The following CFAP95 variants were observed in gnomAD, a reference collection of about 807,000 sequenced individuals.
CFAP95 encodes the protein cilia and flagella associated protein 95, also known as cilia- and flagella-associated protein 95.
chr9:69,856,725 C>A, the CFAP95 span: 1 of 1,311,260 alleles, frequency 7.6e-7, no homozygotes, highest in Non-Finnish European at 1.1e-6. Context: ...GCAGAAAGGA[C>A]TTGTATAAGT....
chr9:69,821,402 C>T, the CFAP95 span, among the ~76,000 whole-genome samples: 1 of 151,964 alleles, frequency 6.6e-6, no homozygotes, highest in Non-Finnish European at 1.5e-5. Flanking sequence ...CAGCCAAATC[C>T]CCGCCACCTG....
At chr9:69,857,649 C>T in the CFAP95 span, among the ~76,000 whole-genome samples, 4 of 152,070 alleles carry the variant, frequency 2.6e-5, no homozygotes, top group African/African-American at 4.8e-5. Flanking sequence ...CTCAGCCTCC[C>T]GAGTAGCTAG....
the CFAP95 span, among the ~76,000 whole-genome samples, chr9:69,901,554 G>A: frequency 6.6e-6 from 1 of 150,550 alleles, no homozygotes; most frequent in Admixed American, 6.6e-5. Context: ...GTTCCACGGT[G>A]TATATGCGCC....
chr9:69,900,985 A>T, the CFAP95 span, among the ~76,000 whole-genome samples: 1 of 152,078 alleles, frequency 6.6e-6, no homozygotes, highest in Non-Finnish European at 1.5e-5. Context: ...CATTTACATT[A>T]GGTATATCTC....
chr9:69,836,303 G>A, the CFAP95 span, among the ~76,000 whole-genome samples: 1 of 152,000 alleles, frequency 6.6e-6, no homozygotes, highest in Non-Finnish European at 1.5e-5. Flanking sequence ...TCTCAACCTT[G>A]GTACTATGGA....
At chr9:69,895,369 C>CTCTCTCTCTCTCTGTG in the CFAP95 span, among the ~76,000 whole-genome samples, 6 of 107,846 alleles carry the variant, frequency 5.6e-5, no homozygotes, top group African/African-American at 2.3e-4. Flanking sequence ...CTCTCTCTCT[C>CTCTCTCTCTCTCTGTG]TGTGTGTGTG....
chr9:69,881,066 C>T, the CFAP95 span, among the ~76,000 whole-genome samples: 2 of 151,490 alleles, frequency 1.3e-5, no homozygotes, highest in Non-Finnish European at 2.9e-5. Context: ...GGTAACTAAT[C>T]CCTTGTCAGA....
chr9:69,875,125 T>C, the CFAP95 span, among the ~76,000 whole-genome samples: 1 of 152,340 alleles, frequency 6.6e-6, no homozygotes, highest in Non-Finnish European at 1.5e-5. Context: ...CATATTTTTA[T>C]TCTCAAAAGA....
chr9:69,831,663 C>G, the CFAP95 span, among the ~76,000 whole-genome samples: 1 of 152,078 alleles, frequency 6.6e-6, no homozygotes. Context: ...CCAAGAGGAG[C>G]CTTTAACTTA....
the CFAP95 span, among the ~76,000 whole-genome samples, chr9:69,847,428 T>A: frequency 9.2e-5 from 14 of 152,190 alleles, no homozygotes; most frequent in African/African-American, 3.4e-4. Flanking sequence ...CTATTGTTCT[T>A]CTCTGGCTCT....
the CFAP95 span, among the ~76,000 whole-genome samples, chr9:69,860,094 G>A: frequency 0.05 from 7,661 of 152,170 alleles, 259 homozygotes; most frequent in Middle Eastern, 0.17. Flanking sequence ...CTTTATAAAC[G>A]CTGTATACTT....
At chr9:69,880,938 A>G in the CFAP95 span, among the ~76,000 whole-genome samples, 4 of 151,966 alleles carry the variant, frequency 2.6e-5, no homozygotes, top group East Asian at 3.9e-4. Context: ...TCATATGCCT[A>G]TTTGCCACTT....
the CFAP95 span, among the ~76,000 whole-genome samples, chr9:69,886,672 G>A: frequency 6.6e-6 from 1 of 152,100 alleles, no homozygotes; most frequent in Admixed American, 6.5e-5. Context: ...TGCTGCTGGT[G>A]GGCAATACTA....
the CFAP95 span, among the ~76,000 whole-genome samples, chr9:69,874,726 G>A: frequency 6.6e-6 from 1 of 152,168 alleles, no homozygotes; most frequent in Non-Finnish European, 1.5e-5. Context: ...TTTTCCAGTA[G>A]TTTCTATTAA....
chr9:69,872,061 G>C, the CFAP95 span, among the ~76,000 whole-genome samples: 1 of 152,256 alleles, frequency 6.6e-6, no homozygotes, highest in East Asian at 1.9e-4. Context: ...GGACTCAGAG[G>C]GGTAAAGTGA....
At chr9:69,897,397 T>C in the CFAP95 span, among the ~76,000 whole-genome samples, 1 of 152,198 alleles carries the variant, frequency 6.6e-6, no homozygotes. Context: ...ACATAAACCA[T>C]TATGCATTTT....
the CFAP95 span, among the ~76,000 whole-genome samples, chr9:69,855,521 A>G: frequency 2.6e-5 from 4 of 152,180 alleles, no homozygotes; most frequent in Non-Finnish European, 5.9e-5. Flanking sequence ...CTGAACATCT[A>G]AGAAGAAGAG....
chr9:69,841,287 C>T, the CFAP95 span, among the ~76,000 whole-genome samples: 1 of 149,704 alleles, frequency 6.7e-6, no homozygotes, highest in African/African-American at 2.5e-5. Context: ...GGCCTTGGGG[C>T]AAATATGCTG....
the CFAP95 span, chr9:69,886,753 TTTCA>T: frequency 1.0e-6 from 1 of 963,120 alleles, no homozygotes; most frequent in Non-Finnish European, 1.6e-6. Context: ...AATGTTTTTA[TTTCA>T]TGTAAAGTGT....
Sources: allele counts gnomAD v4.1 joint callset (sites outside exome capture counted in the v4.1 genomes callset), GRCh38; gene constraint gnomAD v4.1.1; transcripts MANE v1.5; gene names NCBI Gene and HGNC (gene_info 2026-07-23, HGNC 2026-07-21).